FAF1: variants seen among roughly 807,000 people sequenced by gnomAD.
The protein encoded by FAF1 is Fas associated factor 1, also known as FAS-associated factor 1.
In FAF1, 25 loss-of-function variants were observed where a neutral mutation model predicts 92.5. That is an observed-to-expected ratio of 0.27 (90% CI 0.20 to 0.38). The LOEUF is 0.38. FAF1 is among the 10% of genes least tolerant of loss of function. The pLI is 1.00. For missense variants in FAF1, 636 were observed against 793.3 expected, an observed-to-expected ratio of 0.80 and a Z score of 2.38; for synonymous variants, 234 against 273.2, an observed-to-expected ratio of 0.86 and a Z score of 1.42.
chr1:50,516,649 A>G (rs1164335765), intron 15 of FAF1, among the ~76,000 whole-genome samples: 1 of 152,220 alleles, frequency 6.6e-6, no homozygotes, highest in Non-Finnish European at 1.5e-5. Flanking sequence ...CTAAGAAGCA[A>G]ATGCAAAATG....
intron 1 of FAF1, among the ~76,000 whole-genome samples, chr1:50,878,277 T>C (rs878953282): frequency 6.6e-6 from 1 of 152,248 alleles, no homozygotes; most frequent in Non-Finnish European, 1.5e-5. Context: ...AAGTTGTTTT[T>C]GATGAGTTAC....
At chr1:50,508,661 A>G (rs1367480306) in intron 15 of FAF1, among the ~76,000 whole-genome samples, 1 of 152,174 alleles carries the variant, frequency 6.6e-6, no homozygotes, top group Non-Finnish European at 1.5e-5. Context: ...TGACAGCTGT[A>G]CAATATTGTG....
At chr1:50,838,362 C>G (rs2124641515) in intron 2 of FAF1, among the ~76,000 whole-genome samples, 1 of 151,206 alleles carries the variant, frequency 6.6e-6, no homozygotes, top group East Asian at 1.9e-4. Flanking sequence ...ACATATATTA[C>G]ATTAACTTAT....
At chr1:50,452,270 G>T in intron 18 of FAF1, 1 of 682,886 alleles carries the variant, frequency 1.5e-6, no homozygotes, top group Non-Finnish European at 2.2e-6. Context: ...GCCCCTGAAA[G>T]CATAAACTGG....
chr1:50,441,584 C>T (rs1042496611), intron 18 of FAF1, 61 bp from the exon 19 acceptor site: 29 of 956,916 alleles, frequency 3.0e-5, no homozygotes, highest in Non-Finnish European at 4.2e-5. Flanking sequence ...CTCTACATGG[C>T]CTTCATTTTA....
chr1:50,925,186 C>G (rs1252453391), intron 1 of FAF1, among the ~76,000 whole-genome samples: 1 of 151,968 alleles, frequency 6.6e-6, no homozygotes, highest in African/African-American at 2.4e-5. Flanking sequence ...AAACTAGACC[C>G]CTATCTATCA....
intron 1 of FAF1, among the ~76,000 whole-genome samples, chr1:50,952,793 G>A (rs1399456296): frequency 4.7e-5 from 7 of 149,014 alleles, no homozygotes; most frequent in African/African-American, 1.2e-4. Context: ...ATCTCTGCCC[G>A]GCCGCCCCGT....
At chr1:50,675,785 T>A (rs900003062) in intron 7 of FAF1, among the ~76,000 whole-genome samples, 4 of 152,146 alleles carry the variant, frequency 2.6e-5, no homozygotes, top group African/African-American at 9.7e-5. Context: ...AAAAGTCATA[T>A]CCAGAAACAA....
At chr1:50,627,327 G>T (rs1442053310) in intron 8 of FAF1, among the ~76,000 whole-genome samples, 2 of 152,120 alleles carry the variant, frequency 1.3e-5, no homozygotes, top group Non-Finnish European at 2.9e-5. Flanking sequence ...TAGAAAAGGA[G>T]AAACTAGGAG....
chr1:50,509,371 G>C (rs997493047), intron 15 of FAF1, among the ~76,000 whole-genome samples: 5 of 152,256 alleles, frequency 3.3e-5, no homozygotes, highest in African/African-American at 9.6e-5. Flanking sequence ...CAGCACTTTG[G>C]GAGGTTGAGG....
intron 2 of FAF1, among the ~76,000 whole-genome samples, chr1:50,827,536 T>C (rs1264141638): frequency 6.6e-6 from 1 of 152,110 alleles, no homozygotes; most frequent in Non-Finnish European, 1.5e-5. Flanking sequence ...GAGACCTTTG[T>C]TCACGTGTTT....
At chr1:50,614,900 G>A (rs1569584166) in intron 8 of FAF1, among the ~76,000 whole-genome samples, 1 of 151,188 alleles carries the variant, frequency 6.6e-6, no homozygotes, top group Admixed American at 6.6e-5. Context: ...ATGAGAATGT[G>A]AGCATGATTT....
intron 1 of FAF1, among the ~76,000 whole-genome samples, chr1:50,926,198 CA>C (rs1484187864): frequency 1.3e-5 from 2 of 152,108 alleles, no homozygotes; most frequent in Non-Finnish European, 2.9e-5. Flanking sequence ...GCCTGGGCAA[CA>C]GAAAGATCCT....
chr1:50,928,337 G>A (rs760211158), intron 1 of FAF1, among the ~76,000 whole-genome samples: 5 of 152,152 alleles, frequency 3.3e-5, no homozygotes, highest in Non-Finnish European at 5.9e-5. Flanking sequence ...AGTATATGGA[G>A]AAAAGAACGT....
At chr1:50,833,475 T>C (rs962143391) in intron 2 of FAF1, among the ~76,000 whole-genome samples, 1 of 152,138 alleles carries the variant, frequency 6.6e-6, no homozygotes, top group Non-Finnish European at 1.5e-5. Context: ...CCTCACTGCA[T>C]TCACCAATCT....
At chr1:50,533,397 C>CA (rs1467441684) in intron 15 of FAF1, among the ~76,000 whole-genome samples, 1 of 151,936 alleles carries the variant, frequency 6.6e-6, no homozygotes, top group African/African-American at 2.4e-5. Flanking sequence ...TCATTGTAAC[C>CA]AAATTTTTTT....
chr1:50,842,946 G>GC (rs1194820956), intron 2 of FAF1, among the ~76,000 whole-genome samples: 1 of 152,058 alleles, frequency 6.6e-6, no homozygotes, highest in Non-Finnish European at 1.5e-5. Flanking sequence ...CTTGTTCACT[G>GC]CCACATCCCC....
intron 2 of FAF1, among the ~76,000 whole-genome samples, chr1:50,812,720 C>T (rs530477013): frequency 3.0e-4 from 45 of 152,196 alleles, no homozygotes; most frequent in African/African-American, 1.0e-3. Flanking sequence ...ATCATTACTG[C>T]GTATATACCC....
intron 15 of FAF1, among the ~76,000 whole-genome samples, chr1:50,496,079 C>A (rs564837890): frequency 2.6e-5 from 4 of 152,116 alleles, no homozygotes; most frequent in Non-Finnish European, 4.4e-5. Flanking sequence ...ATTTATGACA[C>A]CCTCAGTAGT....
Sources: allele counts gnomAD v4.1 joint callset (sites outside exome capture counted in the v4.1 genomes callset), GRCh38; gene constraint gnomAD v4.1.1; transcripts MANE v1.5; gene names NCBI Gene and HGNC (gene_info 2026-07-23, HGNC 2026-07-21).